Variants in CDK8 observed in about 807,000 individuals in gnomAD.
CDK8 encodes cyclin dependent kinase 8, also known as cyclin-dependent kinase 8.
In CDK8, 29 loss-of-function variants were observed where a neutral mutation model predicts 71.5. That is an observed-to-expected ratio of 0.41 (90% CI 0.30 to 0.55). CDK8 has a LOEUF of 0.55. Among genes scored for constraint, CDK8 ranks in the 20% least tolerant of loss-of-function variants. The pLI, the probability that CDK8 is intolerant of heterozygous loss-of-function variation, is 0.37. For missense variants in CDK8, 288 were observed against 572.6 expected (o/e 0.50, Z 5.07); for synonymous variants, 161 against 192.1 (o/e 0.84, Z 1.34).
At chr13:26,356,470 GTC>G (rs1292250487) in intron 4 of CDK8, among the ~76,000 whole-genome samples, 2 of 152,128 alleles carry the variant, frequency 1.3e-5, no homozygotes, top group African/African-American at 4.8e-5. Flanking sequence ...CCTTCTGTGT[GTC>G]TCACGCACGC....
Position 26,258,392 on chromosome 13 carries a change from T to C in CDK8, c.128+3623T>C, listed in dbSNP as rs556716371. Among the ~76,000 whole-genome samples the C allele has an allele frequency of 3.1e-4, 47 of 152,294 alleles. 1 individual carries two copies. Among genetic ancestry groups the C allele is most frequent in the African/African-American group, 1.1e-3 (45 of 41,558 alleles). On this transcript the variant is annotated intron_variant, in intron 1 of 12. Transcript: ENST00000381527. Reference sequence around the variant, plus strand: ...TAAACTGGTGTACTTTCTGGGTATATTGCTGAAGCACCCTTTTTTTCAAGT... The same window carrying C: ...TAAACTGGTGTACTTTCTGGGTATACTGCTGAAGCACCCTTTTTTTCAAGT...
chr13:26,309,509 G>A (rs1401738259), intron 1 of CDK8, among the ~76,000 whole-genome samples: 1 of 152,050 alleles, frequency 6.6e-6, no homozygotes, highest in East Asian at 1.9e-4. Flanking sequence ...TTATACTTTA[G>A]TGATTTTCAT....
At chr13:26,356,532 A>T (rs1167296734) in intron 4 of CDK8, among the ~76,000 whole-genome samples, 8 of 152,172 alleles carry the variant, frequency 5.3e-5, no homozygotes, top group Admixed American at 5.2e-4. Context: ...TTTGCCTCTA[A>T]TCTAGATCCT....
intron 1 of CDK8, among the ~76,000 whole-genome samples, chr13:26,297,532 A>G (rs75831543): frequency 0.011 from 1,669 of 152,262 alleles, 64 homozygotes; most frequent in South Asian, 0.082. Context: ...ATAGTCTTCC[A>G]GTGATTCAAG....
At chr13:26,294,107 T>G (rs1017987497) in intron 1 of CDK8, among the ~76,000 whole-genome samples, 11 of 149,768 alleles carry the variant, frequency 7.3e-5, no homozygotes, top group African/African-American at 2.7e-4. Context: ...TTCCTTGTTT[T>G]TAAAGGCTAA....
At chr13:26,330,204 A>G (rs1055613002) in intron 1 of CDK8, among the ~76,000 whole-genome samples, 3 of 151,912 alleles carry the variant, frequency 2.0e-5, no homozygotes, top group Non-Finnish European at 1.5e-5. Context: ...TGTTGAATTT[A>G]TTTCATTTAT....
rs988151760 is a variant in CDK8 at position 26,401,208 on chromosome 13, A to G, written c.1032-61A>G. 1.6e-5 allele frequency: 20 copies of G among 1,270,976 alleles called. No individual in the cohort carries two copies. The African/African-American group carries it at 2.8e-4, about 18-fold the overall frequency. 78.7% of individuals were successfully genotyped at this position (1,270,976 alleles called of 1,614,324 possible). On this transcript the variant is annotated intron_variant, in intron 10 of 12. Coordinates refer to ENST00000381527, the MANE Select transcript of CDK8 (RefSeq NM_001260.3). This position sits in a 1 kb window ranked among gnomAD's most constrained non-coding sequence, Gnocchi z 4.5. ...AAAGATTAAAATGAGAATCTCCTAA[A>G]TGAAGCATTTGGAATATTGATTAGT...
chr13:26,268,584 A>G (rs936583479), intron 1 of CDK8, among the ~76,000 whole-genome samples: 2 of 152,154 alleles, frequency 1.3e-5, no homozygotes, highest in Non-Finnish European at 2.9e-5. Context: ...CTGAGTAGCT[A>G]GGACTACAGG....
At chr13:26,371,119 TTTTAC>T (rs1461853572) in intron 4 of CDK8, among the ~76,000 whole-genome samples, 1 of 152,046 alleles carries the variant, frequency 6.6e-6, no homozygotes, top group Non-Finnish European at 1.5e-5. Flanking sequence ...CCCCAGAAGT[TTTTAC>T]TTAAGAGTCA....
chr13:26,361,784 CTTTTTTTTTTTTTTT>C (rs553508554), intron 4 of CDK8, among the ~76,000 whole-genome samples: 6 of 63,306 alleles, frequency 9.5e-5, no homozygotes, highest in Non-Finnish European at 1.6e-4. Context: ...TTTCTTTTCC[CTTTTTTTTTTTTTTT>C]TTTTTTTTTT....
At chr13:26,287,255 A>C (rs1873066196) in intron 1 of CDK8, among the ~76,000 whole-genome samples, 1 of 152,196 alleles carries the variant, frequency 6.6e-6, no homozygotes, top group Non-Finnish European at 1.5e-5. Flanking sequence ...GCCCATCAAC[A>C]AACAAGTGGA....
intron 6 of CDK8, among the ~76,000 whole-genome samples, chr13:26,392,375 A>T (rs1841077692): frequency 7.1e-6 from 1 of 140,972 alleles, no homozygotes; most frequent in Non-Finnish European, 1.5e-5. Flanking sequence ...TCGCCCAGGC[A>T]AGAGTGCAGT....
chr13:26,399,633 TAATAAC>T (rs1471936255), intron 9 of CDK8, among the ~76,000 whole-genome samples: 1 of 152,238 alleles, frequency 6.6e-6, no homozygotes, highest in Non-Finnish European at 1.5e-5. Flanking sequence ...TTTATAGTAA[TAATAAC>T]AATAAGAGCA....
intron 1 of CDK8, among the ~76,000 whole-genome samples, chr13:26,307,326 G>A (rs74485077): frequency 0.021 from 3,181 of 152,288 alleles, 57 homozygotes; most frequent in Non-Finnish European, 0.036. Context: ...GTAGAAGAGG[G>A]AGATAGAAAA....
intron 1 of CDK8, among the ~76,000 whole-genome samples, chr13:26,286,836 C>G (rs1332846253): frequency 6.6e-6 from 1 of 152,046 alleles, no homozygotes; most frequent in Non-Finnish European, 1.5e-5. Flanking sequence ...AAAAAGTGGG[C>G]AAGGGACATG....
intron 1 of CDK8, among the ~76,000 whole-genome samples, chr13:26,261,701 A>T (rs1035979291): frequency 2.3e-4 from 35 of 152,298 alleles, no homozygotes; most frequent in African/African-American, 8.4e-4. Context: ...TTGTTTATAT[A>T]TTCATCAATT....
rs1411051789 is a variant in CDK8, at chr13:26,274,799, T to G, written c.128+20030T>G. Among the ~76,000 whole-genome samples, 9 of 152,272 alleles carry G rather than the reference T, an allele frequency of 5.9e-5. No individual in the cohort carries two copies. In the South Asian group the frequency reaches 6.2e-4, roughly 11 times the overall value. The stretch of plus-strand genomic sequence containing the variant: ...TGGGATATTCATTTTTTTATTCATG[T>G]TGTAAGAATTTCCAATTCTTTGTTT... On this transcript the variant is annotated intron_variant, in intron 1 of 12. Transcript: ENST00000381527.
intron 4 of CDK8, among the ~76,000 whole-genome samples, chr13:26,358,001 C>T (rs1413948367): frequency 6.6e-6 from 1 of 152,162 alleles, no homozygotes; most frequent in African/African-American, 2.4e-5. Context: ...CAAATTTACA[C>T]ATCAAATTAT....
At chr13:26,279,197 G>A (rs1872657107) in intron 1 of CDK8, among the ~76,000 whole-genome samples, 1 of 152,020 alleles carries the variant, frequency 6.6e-6, no homozygotes, top group Non-Finnish European at 1.5e-5. Context: ...AAATGTAGAA[G>A]GAATGATGGA....
Sources: gnomAD v4.1 joint callset for allele counts (sites outside exome capture counted in the v4.1 genomes callset) on GRCh38, gnomAD v4.1.1 for gene constraint, Gnocchi (gnomAD v3.1) non-coding constraint, MANE v1.5 for transcripts, NCBI Gene and HGNC (gene_info 2026-07-23, HGNC 2026-07-21) for gene names.